The following CORO2B variants were observed in gnomAD, a reference collection of about 807,000 sequenced individuals.
CORO2B encodes coronin-2B.
In CORO2B, 26 loss-of-function variants were observed where a neutral mutation model predicts 58.8. The ratio of observed to expected loss-of-function variants is 0.44; its 90% CI spans 0.32 to 0.61. CORO2B has a LOEUF of 0.61. CORO2B is among the 20% of genes least tolerant of loss of function. CORO2B has a pLI of 0.04. For missense variants in CORO2B, 460 were observed against 645.1 expected, an observed-to-expected ratio of 0.71 and a Z score of 3.11; for synonymous variants, 242 against 253.8, an observed-to-expected ratio of 0.95 and a Z score of 0.44.
intron 2 of CORO2B, among the ~76,000 whole-genome samples, chr15:68,672,718 G>A (rs1383638812): frequency 6.6e-6 from 1 of 152,200 alleles, no homozygotes; most frequent in Non-Finnish European, 1.5e-5. Context: ...CCTGTTCTGG[G>A]ATGGAGTGGC....
At chr15:68,536,575 G>T in the CORO2B span, among the ~76,000 whole-genome samples, 1 of 152,212 alleles carries the variant, frequency 6.6e-6, no homozygotes, top group African/African-American at 2.4e-5. Context: ...CAGAATCTTA[G>T]CCTTTGCAAA....
intron 2 of CORO2B, among the ~76,000 whole-genome samples, chr15:68,682,478 C>T (rs1234684879): frequency 2.0e-5 from 3 of 152,104 alleles, no homozygotes; most frequent in Admixed American, 2.0e-4. Context: ...GCAAGGGGCT[C>T]AGGATGTTTA....
chr15:68,584,722 T>A (rs1204548326), intron 1 of CORO2B, among the ~76,000 whole-genome samples: 1 of 152,178 alleles, frequency 6.6e-6, no homozygotes, highest in Non-Finnish European at 1.5e-5. Context: ...TCTCCTTCCC[T>A]CTTTTCCTGA....
At chr15:68,587,254 C>T (rs116064800) in intron 1 of CORO2B, among the ~76,000 whole-genome samples, 74 of 152,188 alleles carry the variant, frequency 4.9e-4, no homozygotes, top group African/African-American at 1.6e-3. Flanking sequence ...CTGCTCTGTC[C>T]GAGCTCAGAG....
chr15:68,723,245 C>A (rs1281635945), intron 11 of CORO2B, among the ~76,000 whole-genome samples: 1 of 148,262 alleles, frequency 6.7e-6, no homozygotes, highest in Admixed American at 6.7e-5. Context: ...CCTTAGCCTC[C>A]CAAGTAGCTG....
At chr15:68,578,081 G>A (rs1003860568), upstream of CORO2B, among the ~76,000 whole-genome samples, 3 of 152,180 alleles carry the variant, frequency 2.0e-5, no homozygotes, top group African/African-American at 7.2e-5. The surrounding 1 kb of genome is among the most constrained non-coding windows in gnomAD (Gnocchi z 4.2). Flanking sequence ...TTGGGAGGGA[G>A]ACTCCTTTCT....
chr15:68,703,145 T>C (rs1408330220), intron 3 of CORO2B, among the ~76,000 whole-genome samples: 8 of 103,596 alleles, frequency 7.7e-5, no homozygotes, highest in African/African-American at 2.5e-4. Flanking sequence ...TATCTTTCTT[T>C]TTTTCTTTTT....
chr15:68,685,360 G>A (rs1331975506), intron 2 of CORO2B, among the ~76,000 whole-genome samples: 1 of 152,110 alleles, frequency 6.6e-6, no homozygotes, highest in African/African-American at 2.4e-5. Flanking sequence ...ACAGGCACGT[G>A]TCACCACATC....
chr15:68,686,616 C>T (rs1001877854), intron 2 of CORO2B, among the ~76,000 whole-genome samples: 4 of 152,032 alleles, frequency 2.6e-5, no homozygotes, highest in Admixed American at 6.5e-5. Context: ...TTGCTTAACA[C>T]GGCCAGGTAC....
chr15:68,570,693 T>A, the CORO2B span, among the ~76,000 whole-genome samples: 1 of 151,972 alleles, frequency 6.6e-6, no homozygotes, highest in Non-Finnish European at 1.5e-5. Context: ...AGGGGAATAG[T>A]CAGTGTATTT....
At chr15:68,618,654 C>T (rs896471069) in intron 1 of CORO2B, among the ~76,000 whole-genome samples, 2 of 152,110 alleles carry the variant, frequency 1.3e-5, no homozygotes, top group African/African-American at 2.4e-5. Context: ...GCTGCCGAGG[C>T]GAGCACAAGG....
At chr15:68,530,042 C>T in the CORO2B span, among the ~76,000 whole-genome samples, 10 of 152,216 alleles carry the variant, frequency 6.6e-5, no homozygotes, top group South Asian at 2.1e-4. Flanking sequence ...TATGCTGAGA[C>T]GGCCGGGCAC....
At chr15:68,590,585 C>G (rs867752972) in intron 1 of CORO2B, among the ~76,000 whole-genome samples, 3 of 152,122 alleles carry the variant, frequency 2.0e-5, no homozygotes, top group African/African-American at 7.2e-5. Flanking sequence ...GCTGCGGGGC[C>G]GCTGGTTTAG....
chr15:68,717,749 C>A (rs1440584964), intron 8 of CORO2B, among the ~76,000 whole-genome samples: 1 of 152,188 alleles, frequency 6.6e-6, no homozygotes, highest in Non-Finnish European at 1.5e-5. Context: ...CCATTTCACC[C>A]CTTACCTCCA....
chr15:68,644,757 G>A (rs1003830382), intron 1 of CORO2B, among the ~76,000 whole-genome samples: 1 of 152,124 alleles, frequency 6.6e-6, no homozygotes, highest in African/African-American at 2.4e-5. Flanking sequence ...ACTGGCCTCT[G>A]CTGTCCGCAT....
chr15:68,552,476 G>T, the CORO2B span, among the ~76,000 whole-genome samples: 7 of 104,240 alleles, frequency 6.7e-5, no homozygotes, highest in African/African-American at 1.5e-4. Context: ...ACGCGGGGGG[G>T]TGGGGGGGGC....
At chr15:68,644,797 A>G (rs1170827493) in intron 1 of CORO2B, among the ~76,000 whole-genome samples, 2 of 152,104 alleles carry the variant, frequency 1.3e-5, no homozygotes, top group African/African-American at 4.8e-5. Flanking sequence ...ACAGTTCCAG[A>G]TACTCAGGAG....
chr15:68,639,177 C>G (rs1254237171), intron 1 of CORO2B, among the ~76,000 whole-genome samples: 2 of 152,138 alleles, frequency 1.3e-5, no homozygotes, highest in East Asian at 1.9e-4. Context: ...GAAGGAGGCA[C>G]CTCCTTGTGC....
At chr15:68,581,949 A>C (rs1453340876) in intron 1 of CORO2B, among the ~76,000 whole-genome samples, 1 of 152,140 alleles carries the variant, frequency 6.6e-6, no homozygotes, top group Non-Finnish European at 1.5e-5. Context: ...CTCAGGGCAG[A>C]GTCCTCTGGG....
Sources: gnomAD v4.1 joint callset for allele counts (sites outside exome capture counted in the v4.1 genomes callset) on GRCh38, gnomAD v4.1.1 for gene constraint, Gnocchi (gnomAD v3.1) non-coding constraint, MANE v1.5 for transcripts, NCBI Gene and HGNC (gene_info 2026-07-23, HGNC 2026-07-21) for gene names.